Variants in FBXO45 observed in about 807,000 individuals in gnomAD.
The protein encoded by FBXO45 is F-box protein 45.
In FBXO45, 3 loss-of-function variants were observed where a neutral mutation model predicts 25.5. That is an observed-to-expected ratio of 0.12 (90% confidence interval 0.05 to 0.30). The LOEUF is 0.30. Ranked by LOEUF, FBXO45 falls within the 10% of genes least tolerant of loss-of-function variation. The probability of loss-of-function intolerance (pLI) is 1.00; values close to 1 mark genes in which losing one functional copy is unlikely to be tolerated. For missense variants in FBXO45, 219 were observed against 365.0 expected, an observed-to-expected ratio of 0.60 and a Z score of 3.26; for synonymous variants, 155 against 149.8, an observed-to-expected ratio of 1.03 and a Z score of -0.25.
intron 1 of FBXO45, among the ~76,000 whole-genome samples, chr3:196,571,048 A>T (rs1735817598): frequency 6.6e-6 from 1 of 152,076 alleles, no homozygotes; most frequent in African/African-American, 2.4e-5. Flanking sequence ...ACAATAATTT[A>T]CTAGGACTGT....
chr3:196,573,875 G>C (rs995944450), intron 1 of FBXO45, among the ~76,000 whole-genome samples: 4 of 151,722 alleles, frequency 2.6e-5, no homozygotes, highest in Non-Finnish European at 5.9e-5. Context: ...ACAAAATTCA[G>C]GTTGTGCATG....
Position 196,584,081 on chromosome 3 carries a change from C to G in FBXO45, c.676-52C>G. On this transcript the variant is annotated intron_variant, in intron 2 of 2. Transcript: ENST00000311630. This position sits in a 1 kb window ranked among gnomAD's most constrained non-coding sequence, Gnocchi z 4.3. ...CTTCTTGATTTGTGTCTTGTTTCTTCTAGCTACACCCTTGGCAGATTTTCT... is the reference window on the plus strand; with the variant it reads ...CTTCTTGATTTGTGTCTTGTTTCTTGTAGCTACACCCTTGGCAGATTTTCT... 6.5e-7 allele frequency: 1 copy of G among 1,531,464 alleles called. No individual in the cohort carries two copies. The highest frequency in any genetic ancestry group is 1.4e-5 in the African/African-American group (1 of 71,574). 94.9% of individuals were successfully genotyped at this position (1,531,464 alleles called of 1,614,324 possible).
chr3:196,569,398 C>T lies in FBXO45; in HGVS notation c.318+96C>T. 1 of 1,232,780 alleles carries T rather than the reference C, an allele frequency of 8.1e-7. No homozygotes were observed. Among genetic ancestry groups the T allele is most frequent in the Non-Finnish European group, 1.1e-6 (1 of 907,218 alleles). The allele number at this position is 1,232,780 out of a possible 1,614,324, so 76.4% of individuals were successfully genotyped here. On this transcript the variant is annotated intron_variant, in intron 1 of 2. Coordinates refer to ENST00000311630, the MANE Select transcript of FBXO45 (RefSeq NM_001105573.2). This position sits in a 1 kb window ranked among gnomAD's most constrained non-coding sequence, Gnocchi z 4.1. ...CGAGCTTCTGAGTCAGAAGCTTCGC[C>T]TCACCAGCCCGCCTTTCCACGGCTC...
rs1219567476 is a variant in FBXO45 at position 196,575,390 on chromosome 3, A to G, written c.319-2063A>G. On this transcript the variant is annotated intron_variant, in intron 1 of 2. Coordinates refer to ENST00000311630, the MANE Select transcript of FBXO45 (RefSeq NM_001105573.2). ...GGAGAATCGCTTGAACCCAGGAGGC[A>G]GAGGTTGCAGTGAGCTGAGATTGAG... Among the ~76,000 whole-genome samples, 5 of 150,624 alleles carry G rather than the reference A, an allele frequency of 3.3e-5. No individual in the cohort carries two copies. In the East Asian group the frequency reaches 1.0e-3, roughly 31 times the overall value.
At chr3:196,583,235 C>T (rs935010348) in intron 2 of FBXO45, among the ~76,000 whole-genome samples, 3 of 152,112 alleles carry the variant, frequency 2.0e-5, no homozygotes, top group African/African-American at 4.8e-5. Context: ...CGGCCGGGCG[C>T]GATGGCTCAT....
chr3:196,588,527 A>G lies in FBXO45; in HGVS notation c.*4209A>G, dbSNP rs1006193977. On this transcript the variant is annotated 3_prime_UTR_variant, in exon 3 of 3. Coordinates refer to ENST00000311630, the MANE Select transcript of FBXO45 (RefSeq NM_001105573.2). This position sits in a 1 kb window ranked among gnomAD's most constrained non-coding sequence, Gnocchi z 4.2. The stretch of plus-strand genomic sequence containing the variant: ...AATGCTGTCCTCAAAAACATTCCTC[A>G]GTTTCTCTAGCTGAATGTAATCTCT... The G allele has an allele frequency of 6.6e-5, 10 of 152,202 alleles. No homozygotes were observed. The highest frequency in any genetic ancestry group is 2.4e-4 in the African/African-American group (10 of 41,458). 9.4% of individuals were successfully genotyped at this position (152,202 alleles called of 1,614,324 possible).
chr3:196,573,137 G>C (rs1735856388), intron 1 of FBXO45, among the ~76,000 whole-genome samples: 1 of 152,058 alleles, frequency 6.6e-6, no homozygotes, highest in East Asian at 1.9e-4. Context: ...TGTTGCCCAG[G>C]CTGGTGGGCT....
In FBXO45 at chr3:196,569,064, G is replaced by C; in HGVS notation, c.80G>C (p.Gly27Ala). 5 of 1,302,346 alleles carry C rather than the reference G, an allele frequency of 3.8e-6. No homozygotes were observed. In the South Asian group the frequency reaches 5.5e-5, roughly 14 times the overall value. 80.7% of individuals were successfully genotyped at this position (1,302,346 alleles called of 1,614,324 possible). Reference protein sequence around the residue: ...CSGGGAGAGAGSGSGAAGAGG... With the variant: ...CSGGGAGAGAASGSGAAGAGG... ...GGCGGCGGCGCGGGCGCGGGCGCGG[G>C]CTCGGGCTCTGGGGCCGCGGGGGCC... The change falls in exon 1 of 3, where the codon GGC becomes GCC. Residue 27 changes from glycine (G) to alanine (A), a missense_variant. By Grantham distance (60) the Gly-to-Ala change is moderately conservative. Around this residue, in one of 4 missense-constraint regions of FBXO45, gnomAD observed 138 missense variants for 157.3 expected, o/e 0.88. Transcript: ENST00000311630. The surrounding 1 kb of genome is among the most constrained non-coding windows in gnomAD (Gnocchi z 4.1).
chr3:196,583,899 G>A (rs191562260), intron 2 of FBXO45, among the ~76,000 whole-genome samples: 8 of 152,170 alleles, frequency 5.3e-5, no homozygotes, highest in African/African-American at 1.2e-4. Context: ...CAAGCAATCC[G>A]CCCGCCTCAG....
chr3:196,583,157 G>A (rs1404637694), intron 2 of FBXO45, among the ~76,000 whole-genome samples: 1 of 151,966 alleles, frequency 6.6e-6, no homozygotes, highest in Non-Finnish European at 1.5e-5. Context: ...ATATTTTCAG[G>A]GTCTATCTAT....
In FBXO45 at chr3:196,586,925, C is replaced by T. The variant is rs1455317393; in HGVS notation, c.*2607C>T. ...AGAAAAAAAAAAATCCTTGCTCCCT[C>T]CCTTCACTACCTCACAAGGATATTG... On this transcript the variant is annotated 3_prime_UTR_variant, in exon 3 of 3. Coordinates refer to ENST00000311630, the MANE Select transcript of FBXO45 (RefSeq NM_001105573.2). 1 of 152,182 alleles carries T rather than the reference C, an allele frequency of 6.6e-6. No individual in the cohort carries two copies. The highest frequency in any genetic ancestry group is 1.5e-5 in the Non-Finnish European group (1 of 68,034). 9.4% of individuals were successfully genotyped at this position (152,182 alleles called of 1,614,324 possible).
intron 2 of FBXO45, among the ~76,000 whole-genome samples, chr3:196,578,613 A>G (rs1735957509): frequency 6.6e-6 from 1 of 152,062 alleles, no homozygotes; most frequent in Non-Finnish European, 1.5e-5. Flanking sequence ...ATGAACGAAC[A>G]TGGCTGTATT....
Position 196,568,663 on chromosome 3 carries a change from C to T in FBXO45, c.-322C>T, listed in dbSNP as rs1735687155. On this transcript the variant is annotated 5_prime_UTR_variant, in exon 1 of 3. Transcript: ENST00000311630. ...ACCGCGAACGAGCTGGGCGTGCGCC[C>T]TTGCTTCGTGCCCTCAACCCGCATG... The T allele has an allele frequency of 1.3e-5, 2 of 152,338 alleles. No homozygotes were observed. The highest frequency in any genetic ancestry group is 1.3e-4 in the Admixed American group (2 of 15,290). The allele number at this position is 152,338 out of a possible 1,614,324, so 9.4% of individuals were successfully genotyped here.
chr3:196,570,572 G>A (rs948525662), intron 1 of FBXO45, among the ~76,000 whole-genome samples: 1 of 151,938 alleles, frequency 6.6e-6, no homozygotes, highest in South Asian at 2.1e-4. Flanking sequence ...AACAGGGGTC[G>A]GAGTAAGAAG....
chr3:196,581,223 CTTTTTTTTTT>C (rs33962634), intron 2 of FBXO45, among the ~76,000 whole-genome samples: 26 of 63,680 alleles, frequency 4.1e-4, no homozygotes, highest in African/African-American at 9.8e-4. Flanking sequence ...TTTCTTTTTC[CTTTTTTTTTT>C]TTTTTTTTTT....
At chr3:196,571,512 C>G (rs1735826369) in intron 1 of FBXO45, among the ~76,000 whole-genome samples, 1 of 152,186 alleles carries the variant, frequency 6.6e-6, no homozygotes, top group African/African-American at 2.4e-5. Flanking sequence ...AGGCATTAGC[C>G]ACTGCACCCA....
At chr3:196,580,627 G>T (rs1157746567) in intron 2 of FBXO45, among the ~76,000 whole-genome samples, 1 of 152,050 alleles carries the variant, frequency 6.6e-6, no homozygotes, top group Non-Finnish European at 1.5e-5. Flanking sequence ...GCCCAGCTTC[G>T]GTCTCTGACT....
intron 2 of FBXO45, 80 bp downstream of exon 2, chr3:196,577,889 A>G: frequency 1.2e-5 from 10 of 849,936 alleles, no homozygotes; most frequent in Non-Finnish European, 1.6e-5. Flanking sequence ...AAATTTTTAT[A>G]TAGCAGTTTT....
intron 2 of FBXO45, among the ~76,000 whole-genome samples, chr3:196,579,764 TTTC>T (rs1200483747): frequency 1.3e-5 from 2 of 152,216 alleles, no homozygotes; most frequent in African/African-American, 2.4e-5. Flanking sequence ...CTAATTTGTC[TTTC>T]TTCTTTTAGT....
Sources: gnomAD v4.1 joint callset for allele counts (sites outside exome capture counted in the v4.1 genomes callset) on GRCh38, gnomAD v4.1.1 for gene constraint, gnomAD v4.1.1 regional missense constraint, Gnocchi (gnomAD v3.1) non-coding constraint, MANE v1.5 for transcripts, NCBI Gene and HGNC (gene_info 2026-07-23, HGNC 2026-07-21) for gene names.